The following ATP8B4 variants were observed in gnomAD, a reference collection of about 807,000 sequenced individuals.
ATP8B4 encodes the protein probable phospholipid-transporting ATPase IM.
Under a neutral mutation model 145.6 loss-of-function variants are expected in ATP8B4, and 133 were observed. The observed-to-expected ratio is 0.91, with a 90% CI of 0.79 to 1.05. ATP8B4 has a LOEUF of 1.05. Among genes scored for constraint, ATP8B4 ranks in the 50% least tolerant of loss-of-function variants. ATP8B4 has a pLI of 0.00. For synonymous variants in ATP8B4, 507 were observed against 492.9 expected, an observed-to-expected ratio of 1.03 and a Z score of -0.38; for missense variants, 1,458 against 1,425.2, an observed-to-expected ratio of 1.02 and a Z score of -0.37.
At chr15:49,916,717 G>A (rs2039774833) in intron 20 of ATP8B4, among the ~76,000 whole-genome samples, 1 of 152,166 alleles carries the variant, frequency 6.6e-6, no homozygotes, top group African/African-American at 2.4e-5. Flanking sequence ...GTTGAGAAAT[G>A]TTGGAGGCCT....
chr15:50,046,691 G>C (rs2051750642), intron 4 of ATP8B4, among the ~76,000 whole-genome samples: 1 of 152,100 alleles, frequency 6.6e-6, no homozygotes, highest in Non-Finnish European at 1.5e-5. Flanking sequence ...TAAATAACTG[G>C]CTAACATGAA....
chr15:49,950,607 C>CA (rs1489232447), intron 14 of ATP8B4, among the ~76,000 whole-genome samples: 9 of 96,424 alleles, frequency 9.3e-5, no homozygotes, highest in East Asian at 4.1e-4. Context: ...AAAAAACAAA[C>CA]AAACAAACAA....
intron 20 of ATP8B4, among the ~76,000 whole-genome samples, chr15:49,914,534 G>A (rs1324022965): frequency 1.3e-5 from 2 of 152,070 alleles, no homozygotes; most frequent in Non-Finnish European, 2.9e-5. Context: ...ACAGACTGAA[G>A]AGACAGTCTG....
At chr15:50,151,352 C>T (rs1197012380) in intron 1 of ATP8B4, among the ~76,000 whole-genome samples, 1 of 152,074 alleles carries the variant, frequency 6.6e-6, no homozygotes, top group Non-Finnish European at 1.5e-5. Flanking sequence ...GAAGCCAAAC[C>T]AAGGCAGATT....
chr15:50,013,844 C>A (rs781761913), intron 6 of ATP8B4, among the ~76,000 whole-genome samples: 7 of 152,092 alleles, frequency 4.6e-5, no homozygotes, highest in Non-Finnish European at 1.0e-4. Flanking sequence ...CTGGTCTGAA[C>A]CTGCTTCTTC....
At chr15:50,052,969 G>A (rs1440354175) in intron 3 of ATP8B4, among the ~76,000 whole-genome samples, 4 of 152,114 alleles carry the variant, frequency 2.6e-5, no homozygotes, top group African/African-American at 9.7e-5. Context: ...TATCACCCTA[G>A]CTAGGTGGAA....
intron 13 of ATP8B4, among the ~76,000 whole-genome samples, chr15:49,969,543 G>A (rs894709134): frequency 1.3e-5 from 2 of 152,058 alleles, no homozygotes; most frequent in Non-Finnish European, 2.9e-5. Flanking sequence ...ATACATTCCT[G>A]GACACATCAA....
intron 1 of ATP8B4, among the ~76,000 whole-genome samples, chr15:50,111,388 A>G (rs552605612): frequency 6.6e-6 from 1 of 152,340 alleles, no homozygotes; most frequent in East Asian, 1.9e-4. Context: ...TAGAGTATGT[A>G]TTTTAAATTA....
At chr15:50,119,250 A>T (rs1434413550), upstream of ATP8B4, 1 of 152,328 alleles carries the variant, frequency 6.6e-6, no homozygotes, top group Non-Finnish European at 1.5e-5. Context: ...TTGAGGGATG[A>T]TACAGAAAAC....
chr15:50,020,810 A>C (rs2049491769), intron 6 of ATP8B4, among the ~76,000 whole-genome samples: 1 of 152,144 alleles, frequency 6.6e-6, no homozygotes, highest in East Asian at 1.9e-4. Context: ...TTATTAGGTG[A>C]TATTTATTAA....
At chr15:49,939,156 A>T (rs2041963054) in intron 14 of ATP8B4, among the ~76,000 whole-genome samples, 1 of 151,896 alleles carries the variant, frequency 6.6e-6, no homozygotes, top group Middle Eastern at 3.2e-3. Flanking sequence ...AGTTAGAAAG[A>T]TCTCAATTAA....
intron 13 of ATP8B4, among the ~76,000 whole-genome samples, chr15:49,971,139 T>C (rs945123012): frequency 6.6e-6 from 1 of 152,180 alleles, no homozygotes; most frequent in African/African-American, 2.4e-5. Context: ...ACTAAAAAGT[T>C]AAACATAAGA....
Position 50,047,614 on chromosome 15 carries a change from T to C in ATP8B4, c.88-150A>G, listed in dbSNP as rs534331154. The C allele has an allele frequency of 1.1e-5, 7 of 624,362 alleles. No individual in the cohort carries two copies. In the East Asian group the frequency reaches 2.0e-4, roughly 18 times the overall value. The allele number at this position is 624,362 out of a possible 1,614,324, so 38.7% of individuals were successfully genotyped here. ...TCTGTGTGGCTCAAGGCCTTCATTT[T>C]TCCCAAGATGATATGCTCCTGATAC... On this transcript the variant is annotated intron_variant, in intron 3 of 27. Transcript: ENST00000284509.
At chr15:50,144,880 T>A (rs2044257065) in intron 1 of ATP8B4, among the ~76,000 whole-genome samples, 1 of 152,160 alleles carries the variant, frequency 6.6e-6, no homozygotes, top group African/African-American at 2.4e-5. Context: ...CGGACTACTC[T>A]CAGCTGATCA....
At chr15:50,082,204 TAAAGA>T (rs1348000431) in intron 2 of ATP8B4, among the ~76,000 whole-genome samples, 1 of 152,150 alleles carries the variant, frequency 6.6e-6, no homozygotes, top group Non-Finnish European at 1.5e-5. Flanking sequence ...GGGAGAGCTT[TAAAGA>T]AAAGGAGTCC....
chr15:50,109,062 C>A (rs948891059), intron 1 of ATP8B4, among the ~76,000 whole-genome samples: 12 of 152,300 alleles, frequency 7.9e-5, no homozygotes, highest in African/African-American at 2.9e-4. Flanking sequence ...GGAGTGGCTG[C>A]AGCTTTTTTG....
chr15:50,014,532 G>C (rs1001197089), intron 6 of ATP8B4, among the ~76,000 whole-genome samples: 2 of 151,754 alleles, frequency 1.3e-5, no homozygotes, highest in African/African-American at 4.8e-5. Flanking sequence ...TGCATTCCAG[G>C]GACTGTACTG....
chr15:50,147,696 A>T (rs1302467244), intron 1 of ATP8B4, among the ~76,000 whole-genome samples: 1 of 152,208 alleles, frequency 6.6e-6, no homozygotes, highest in Non-Finnish European at 1.5e-5. Context: ...GGAGCCAACC[A>T]AGATCAATGA....
intron 20 of ATP8B4, chr15:49,908,064 C>T (rs1350329560): frequency 4.4e-6 from 2 of 455,920 alleles, no homozygotes; most frequent in African/African-American, 4.0e-5. Flanking sequence ...ACTTCGACTT[C>T]CTCATATGTC....
Sources: allele counts gnomAD v4.1 joint callset (sites outside exome capture counted in the v4.1 genomes callset), GRCh38; gene constraint gnomAD v4.1.1; transcripts MANE v1.5; gene names NCBI Gene and HGNC (gene_info 2026-07-23, HGNC 2026-07-21).